INPP4B: variants seen among roughly 807,000 people sequenced by gnomAD.
INPP4B encodes the protein inositol polyphosphate-4-phosphatase type II B, also known as inositol polyphosphate 4-phosphatase type II.
INPP4B carries 55 observed loss-of-function variants against 122.5 expected under a neutral mutation model. That is an observed-to-expected ratio of 0.45 (90% CI 0.36 to 0.56). The LOEUF (loss-of-function observed/expected upper bound fraction) is 0.56. Ranked by LOEUF, INPP4B falls within the 20% of genes least tolerant of loss-of-function variation. The pLI, the probability that INPP4B is intolerant of heterozygous loss-of-function variation, is 0.00. For missense variants in INPP4B, 1,000 were observed against 1,097.7 expected (o/e 0.91, Z 1.26); for synonymous variants, 403 against 388.7 (o/e 1.04, Z -0.43).
At chr4:142,427,241 G>A in intron 5 of INPP4B, 1 of 274,736 alleles carries the variant, frequency 3.6e-6, no homozygotes, top group East Asian at 6.2e-5. Flanking sequence ...TTTGGGGACT[G>A]TGTCTTCTAG....
intron 1 of INPP4B, among the ~76,000 whole-genome samples, chr4:142,838,181 T>TAC (rs200409453): frequency 5.9e-5 from 9 of 151,408 alleles, no homozygotes; most frequent in East Asian, 5.8e-4. Flanking sequence ...TTCACACACA[T>TAC]ACACACACAC....
chr4:142,622,081 G>C (rs1258359302), intron 2 of INPP4B, among the ~76,000 whole-genome samples: 1 of 151,942 alleles, frequency 6.6e-6, no homozygotes, highest in Non-Finnish European at 1.5e-5. Flanking sequence ...ATTTCTTCAT[G>C]TATAAATGAC....
intron 2 of INPP4B, among the ~76,000 whole-genome samples, chr4:142,501,813 T>G (rs963139749): frequency 6.6e-6 from 1 of 152,062 alleles, no homozygotes; most frequent in South Asian, 2.1e-4. Flanking sequence ...AAGAAAATAC[T>G]GTATGAGCTT....
chr4:142,418,547 G>A (rs1806221051), intron 5 of INPP4B, among the ~76,000 whole-genome samples: 1 of 151,786 alleles, frequency 6.6e-6, no homozygotes, highest in Non-Finnish European at 1.5e-5. Flanking sequence ...AGAGTGTTAG[G>A]GACTGGTAGA....
chr4:142,508,566 G>A (rs909878582), intron 2 of INPP4B, among the ~76,000 whole-genome samples: 5 of 152,092 alleles, frequency 3.3e-5, no homozygotes, highest in African/African-American at 9.7e-5. Flanking sequence ...GAACCACTGC[G>A]CCCGGCTTAC....
rs1187118649 is a variant in INPP4B, at chr4:142,028,360, T to TTAAG, written c.*418_*421dup. 4.3e-5 allele frequency: 10 copies of TTAAG among 233,754 alleles called. No homozygotes were observed. The highest frequency in any genetic ancestry group is 1.3e-3 in the Middle Eastern group (1 of 796). 14.5% of individuals were successfully genotyped at this position (233,754 alleles called of 1,614,324 possible). On this transcript the variant is annotated 3_prime_UTR_variant, in exon 26 of 26. Coordinates refer to ENST00000262992, the MANE Select transcript of INPP4B (RefSeq NM_001101669.3). ...AGGTTGACTGTGTTCTCATAGGCTA[T>TTAAG]TAAGTTGTATCACAAAAAAAATATG...
intron 18 of INPP4B, among the ~76,000 whole-genome samples, chr4:142,130,606 T>C (rs1800785310): frequency 6.6e-6 from 1 of 152,132 alleles, no homozygotes; most frequent in Admixed American, 6.5e-5. Context: ...GAGAGGAAGG[T>C]AGCATGTGAA....
chr4:142,296,401 G>T (rs760647881), intron 9 of INPP4B, among the ~76,000 whole-genome samples: 2 of 152,282 alleles, frequency 1.3e-5, no homozygotes, highest in African/African-American at 4.8e-5. Flanking sequence ...ATAGTAGGTA[G>T]TACAATGAGG....
intron 2 of INPP4B, among the ~76,000 whole-genome samples, chr4:142,548,123 T>C (rs1269778903): frequency 6.6e-6 from 1 of 152,164 alleles, no homozygotes; most frequent in Non-Finnish European, 1.5e-5. Context: ...GCTTTGAAAG[T>C]AGACAATCTC....
chr4:142,525,294 G>A (rs1269902319), intron 2 of INPP4B, among the ~76,000 whole-genome samples: 11 of 150,624 alleles, frequency 7.3e-5, no homozygotes, highest in African/African-American at 1.2e-4. Flanking sequence ...AATCAATATC[G>A]TGAAAATGGC....
intron 2 of INPP4B, among the ~76,000 whole-genome samples, chr4:142,505,425 G>C (rs373870137): frequency 1.3e-5 from 2 of 152,088 alleles, no homozygotes; most frequent in South Asian, 2.1e-4. Flanking sequence ...GTGGGCCCAC[G>C]GGCTTTGGTG....
intron 1 of INPP4B, among the ~76,000 whole-genome samples, chr4:142,746,022 GA>G (rs1390015866): frequency 6.6e-6 from 1 of 151,760 alleles, no homozygotes. Context: ...AATATAAGAA[GA>G]GATGAAAAGT....
At chr4:142,175,001 T>C (rs1227013682) in intron 15 of INPP4B, among the ~76,000 whole-genome samples, 12 of 152,110 alleles carry the variant, frequency 7.9e-5, no homozygotes, top group Admixed American at 4.6e-4. Flanking sequence ...GAATCTTTGA[T>C]CCATTTCATC....
chr4:142,150,637 G>A (rs113358008), intron 17 of INPP4B, among the ~76,000 whole-genome samples: 26 of 152,280 alleles, frequency 1.7e-4, no homozygotes, highest in African/African-American at 5.8e-4. Flanking sequence ...CTCTGAGTCA[G>A]GTGCTCATTT....
chr4:142,301,488 A>T (rs976566008), intron 9 of INPP4B, among the ~76,000 whole-genome samples: 2 of 152,192 alleles, frequency 1.3e-5, no homozygotes, highest in Non-Finnish European at 2.9e-5. Context: ...TTCTAATCCC[A>T]CTTGCACAGT....
chr4:142,453,711 CT>C (rs547848332), intron 3 of INPP4B, among the ~76,000 whole-genome samples: 37 of 152,236 alleles, frequency 2.4e-4, no homozygotes, highest in African/African-American at 8.4e-4. Flanking sequence ...AAGCAGTTTC[CT>C]TACTCTTCAA....
At chr4:142,662,065 C>T (rs899537184) in intron 2 of INPP4B, among the ~76,000 whole-genome samples, 3 of 152,090 alleles carry the variant, frequency 2.0e-5, no homozygotes, top group Non-Finnish European at 4.4e-5. Flanking sequence ...AACCCTGTCT[C>T]TACTAAAAGT....
rs567887498 is a variant in INPP4B, at chr4:142,643,220, C to T, written c.-191+82619G>A. 8.6e-4 allele frequency among the ~76,000 whole-genome samples: 130 copies of T among 151,130 alleles called. 1 individual carries two copies. Among genetic ancestry groups the T allele is most frequent in the Admixed American group, 4.0e-4 (6 of 15,122 alleles). On this transcript the variant is annotated intron_variant, in intron 2 of 25. Coordinates refer to ENST00000262992, the MANE Select transcript of INPP4B (RefSeq NM_001101669.3). Reference sequence around the variant, plus strand: ...ACAATCATGCCATCTGCAAACAGGGCCAAAAATTTTAAAAACTACTTCTCA... The same window carrying T: ...ACAATCATGCCATCTGCAAACAGGGTCAAAAATTTTAAAAACTACTTCTCA...
intron 2 of INPP4B, among the ~76,000 whole-genome samples, chr4:142,548,980 C>A (rs13102150): frequency 0.35 from 53,836 of 151,820 alleles, 12,048 homozygotes; most frequent in Non-Finnish European, 0.51. Flanking sequence ...CGCTCTATTG[C>A]CTCTAGAATT....
Sources: allele counts gnomAD v4.1 joint callset (sites outside exome capture counted in the v4.1 genomes callset), GRCh38; gene constraint gnomAD v4.1.1; transcripts MANE v1.5; gene names NCBI Gene and HGNC (gene_info 2026-07-23, HGNC 2026-07-21).